Variants in MMP16 observed in about 807,000 individuals in gnomAD.
The protein encoded by MMP16 is matrix metallopeptidase 16.
MMP16 carries 12 observed loss-of-function variants against 67.8 expected under a neutral mutation model. The observed-to-expected ratio is 0.18, with a 90% CI of 0.11 to 0.29. MMP16 has a LOEUF of 0.29. Ranked by LOEUF, MMP16 falls within the 10% of genes least tolerant of loss-of-function variation. MMP16 has a pLI of 1.00. For synonymous variants in MMP16, 249 were observed against 255.9 expected (o/e 0.97, Z 0.26); for missense variants, 475 against 765.7 (o/e 0.62, Z 4.48).
chr8:88,317,803 A>G (rs1175244756), intron 1 of MMP16, among the ~76,000 whole-genome samples: 1 of 152,028 alleles, frequency 6.6e-6, no homozygotes, highest in Non-Finnish European at 1.5e-5. Context: ...TTTTACATCT[A>G]TTGGTCAACC....
At chr8:88,173,048 T>G (rs2129716778) in intron 3 of MMP16, among the ~76,000 whole-genome samples, 1 of 152,134 alleles carries the variant, frequency 6.6e-6, no homozygotes, top group African/African-American at 2.4e-5. Context: ...TCTTTAAAGG[T>G]TTTTGTTGTT....
intron 1 of MMP16, among the ~76,000 whole-genome samples, chr8:88,295,498 A>C (rs1220280922): frequency 6.6e-6 from 1 of 152,216 alleles, no homozygotes; most frequent in African/African-American, 2.4e-5. Flanking sequence ...GCCCAATAAA[A>C]TCAGTATTCA....
intron 1 of MMP16, among the ~76,000 whole-genome samples, chr8:88,279,206 G>C (rs1810694319): frequency 1.4e-5 from 2 of 145,162 alleles, no homozygotes; most frequent in African/African-American, 5.2e-5. Flanking sequence ...TGGTGACACA[G>C]CAAGACTCTG....
At chr8:88,088,994 C>T (rs1808889686) in intron 6 of MMP16, among the ~76,000 whole-genome samples, 2 of 151,938 alleles carry the variant, frequency 1.3e-5, no homozygotes, top group African/African-American at 2.4e-5. Context: ...ACAATTATGT[C>T]GATGTGATCA....
rs1039228468 is a variant in MMP16 at position 88,226,978 on chromosome 8, T to C, written c.133-29672A>G. 3.0e-4 allele frequency among the ~76,000 whole-genome samples: 46 copies of C among 152,190 alleles called. 1 individual carries two copies. The highest frequency in any genetic ancestry group is 1.1e-3 in the African/African-American group (44 of 41,556). On this transcript the variant is annotated intron_variant, in intron 1 of 9. Transcript: ENST00000286614. ...AAACAATAACTAGGGATTTCATATCTAGTTCACTCTGGATATTGTTTCTTC... is the reference window on the plus strand; with the variant it reads ...AAACAATAACTAGGGATTTCATATCCAGTTCACTCTGGATATTGTTTCTTC...
At chr8:88,145,490 A>G (rs1001806036) in intron 4 of MMP16, among the ~76,000 whole-genome samples, 2 of 151,926 alleles carry the variant, frequency 1.3e-5, no homozygotes, top group Non-Finnish European at 2.9e-5. Context: ...ATATCGAAAA[A>G]AGGCCATAAA....
At chr8:88,107,211 T>C (rs1467961067) in intron 6 of MMP16, among the ~76,000 whole-genome samples, 1 of 151,138 alleles carries the variant, frequency 6.6e-6, no homozygotes, top group African/African-American at 2.4e-5. Context: ...GTCTTTTGTA[T>C]TTTTATACAT....
intron 1 of MMP16, among the ~76,000 whole-genome samples, chr8:88,319,852 T>C (rs1408067074): frequency 6.6e-6 from 1 of 152,200 alleles, no homozygotes; most frequent in Non-Finnish European, 1.5e-5. Context: ...TCTTTGGTCA[T>C]TTGAATACAT....
chr8:88,060,430 C>G (rs1381000684), intron 7 of MMP16, among the ~76,000 whole-genome samples: 1 of 152,088 alleles, frequency 6.6e-6, no homozygotes. Context: ...TTTTGCCTCT[C>G]TTTTGTTTAA....
intron 1 of MMP16, among the ~76,000 whole-genome samples, chr8:88,295,978 C>A (rs1395155866): frequency 6.6e-6 from 1 of 152,070 alleles, no homozygotes; most frequent in Admixed American, 6.6e-5. Context: ...AGATATAATA[C>A]TTTGCTTGAA....
chr8:88,163,140 C>A (rs1808657915), intron 4 of MMP16, among the ~76,000 whole-genome samples: 1 of 152,012 alleles, frequency 6.6e-6, no homozygotes, highest in Admixed American at 6.6e-5. Context: ...TACTTCTACA[C>A]AGGTGTTTTC....
rs1289059011 is a variant in MMP16, at chr8:88,159,454, GCTCT to G, written c.709+8211_709+8214del. Among the ~76,000 whole-genome samples the G allele has an allele frequency of 3.9e-5, 6 of 152,004 alleles. No individual in the cohort carries two copies. The South Asian group carries it at 6.2e-4, about 16-fold the overall frequency. On this transcript the variant is annotated intron_variant, in intron 4 of 9. Coordinates refer to ENST00000286614, the MANE Select transcript of MMP16 (RefSeq NM_005941.5). ...TGAATGGGAGTTCACTCATGATTTG[GCTCT>G]CTGTTTGTCTGTTATTGGTATATAA...
intron 8 of MMP16, among the ~76,000 whole-genome samples, chr8:88,052,726 A>G (rs779904422): frequency 4.6e-5 from 7 of 152,128 alleles, no homozygotes; most frequent in Non-Finnish European, 8.8e-5. Flanking sequence ...GAACAATCCA[A>G]CTTCTTTCCT....
chr8:88,119,055 G>A (rs1186637633), intron 4 of MMP16, among the ~76,000 whole-genome samples, 194 bp from the exon 5 acceptor site: 1 of 152,016 alleles, frequency 6.6e-6, no homozygotes, highest in Non-Finnish European at 1.5e-5. Flanking sequence ...AGGGTCAAGG[G>A]AAGAGGTGGC....
intron 1 of MMP16, among the ~76,000 whole-genome samples, chr8:88,303,038 G>C (rs969448850): frequency 9.2e-5 from 14 of 152,154 alleles, no homozygotes; most frequent in African/African-American, 3.1e-4. Flanking sequence ...GTGAGCCCAC[G>C]CCACCAGGGC....
intron 4 of MMP16, among the ~76,000 whole-genome samples, chr8:88,162,427 C>A (rs1376922137): frequency 1.3e-5 from 2 of 152,068 alleles, no homozygotes; most frequent in South Asian, 4.2e-4. Flanking sequence ...AGTTTTAAAA[C>A]CTGATAAGAA....
chr8:88,272,786 T>C (rs1810585348), intron 1 of MMP16, among the ~76,000 whole-genome samples: 1 of 152,178 alleles, frequency 6.6e-6, no homozygotes, highest in African/African-American at 2.4e-5. Context: ...CTAGCAGAGA[T>C]GTTTTGTAAG....
chr8:88,161,180 A>T (rs1055626295), intron 4 of MMP16, among the ~76,000 whole-genome samples: 1 of 151,944 alleles, frequency 6.6e-6, no homozygotes, highest in Non-Finnish European at 1.5e-5. Flanking sequence ...CTGGTCCTGG[A>T]GTTTTTTTGG....
chr8:88,038,520 A>G lies in MMP16; in HGVS notation c.*2941T>C, dbSNP rs1044876689. ...TTCAGTTTCTTTCTCATTTTAGAGG[A>G]AAAAAAAATCAATTTTCAATGCAGG... On this transcript the variant is annotated 3_prime_UTR_variant, in exon 10 of 10. Transcript: ENST00000286614. The surrounding 1 kb of genome is among the most constrained non-coding windows in gnomAD (Gnocchi z 4.1). The G allele has an allele frequency of 7.9e-5, 12 of 151,882 alleles. No homozygotes were observed. The highest frequency in any genetic ancestry group is 3.3e-4 in the Admixed American group (5 of 15,174). 9.4% of individuals were successfully genotyped at this position (151,882 alleles called of 1,614,324 possible).
Sources: allele counts gnomAD v4.1 joint callset (sites outside exome capture counted in the v4.1 genomes callset), GRCh38; gene constraint gnomAD v4.1.1; non-coding constraint Gnocchi (gnomAD v3.1); transcripts MANE v1.5; gene names NCBI Gene and HGNC (gene_info 2026-07-23, HGNC 2026-07-21).